Variants in NTRK3 observed in about 807,000 individuals in gnomAD.
NTRK3 encodes the protein NT-3 growth factor receptor.
In NTRK3, 24 loss-of-function variants were observed where a neutral mutation model predicts 91.7. The ratio of observed to expected loss-of-function variants is 0.26; its 90% CI spans 0.19 to 0.37. The LOEUF is 0.37. Ranked by LOEUF, NTRK3 falls within the 10% of genes least tolerant of loss-of-function variation. The probability of loss-of-function intolerance (pLI) is 1.00; values close to 1 mark genes in which losing one functional copy is unlikely to be tolerated. For synonymous variants in NTRK3, 483 were observed against 404.0 expected (o/e 1.20, Z -2.34); for missense variants, 880 against 1,068.9 (o/e 0.82, Z 2.46).
At chr15:87,895,128 G>T (rs1340262283) in intron 17 of NTRK3, among the ~76,000 whole-genome samples, 1 of 152,150 alleles carries the variant, frequency 6.6e-6, no homozygotes, top group Non-Finnish European at 1.5e-5. Context: ...AACACACAGG[G>T]TTGGAAGTTA....
chr15:88,030,906 T>C (rs2078474463), intron 14 of NTRK3, among the ~76,000 whole-genome samples: 1 of 152,172 alleles, frequency 6.6e-6, no homozygotes, highest in South Asian at 2.1e-4. Flanking sequence ...CCAGACCACA[T>C]TTTTTTACAC....
intron 14 of NTRK3, among the ~76,000 whole-genome samples, chr15:87,994,816 A>C (rs1567201045): frequency 6.6e-6 from 1 of 152,224 alleles, no homozygotes; most frequent in Non-Finnish European, 1.5e-5. Context: ...CTCCATAAAA[A>C]TGGGACATCA....
intron 6 of NTRK3, among the ~76,000 whole-genome samples, chr15:88,141,268 T>C (rs1038034942): frequency 1.3e-5 from 2 of 152,142 alleles, no homozygotes; most frequent in Non-Finnish European, 2.9e-5. Context: ...ACGAACATAA[T>C]AGACATTATA....
chr15:88,003,711 T>A (rs893835789), intron 14 of NTRK3, among the ~76,000 whole-genome samples: 1 of 151,998 alleles, frequency 6.6e-6, no homozygotes, highest in Non-Finnish European at 1.5e-5. Flanking sequence ...TAAGCCAATA[T>A]AACATATGGA....
chr15:88,140,156 T>A lies in NTRK3; in HGVS notation c.465-2595A>T, dbSNP rs151285278. Reference sequence around the variant, plus strand: ...AGGCAGGGAAAACCATTGAGGCCTCTAGAACTGGAGAACAATGTGAACAAA... The same window carrying A: ...AGGCAGGGAAAACCATTGAGGCCTCAAGAACTGGAGAACAATGTGAACAAA... On this transcript the variant is annotated intron_variant, in intron 6 of 18. Coordinates refer to ENST00000394480, the Ensembl canonical transcript of NTRK3. Among the ~76,000 whole-genome samples the A allele has an allele frequency of 1.7e-3, 253 of 152,186 alleles. 3 individuals are homozygous for A. Among genetic ancestry groups the A allele is most frequent in the East Asian group, 0.012 (62 of 5,176 alleles).
chr15:87,903,434 C>T (rs2066571900), intron 17 of NTRK3, among the ~76,000 whole-genome samples: 1 of 152,192 alleles, frequency 6.6e-6, no homozygotes, highest in African/African-American at 2.4e-5. Flanking sequence ...CCCTGTAGCT[C>T]CTACAACCCC....
Position 88,243,836 on chromosome 15 carries a change from G to C in NTRK3, c.248+12070C>G, listed in dbSNP as rs1470078124. On this transcript the variant is annotated intron_variant, in intron 3 of 18. Coordinates refer to ENST00000394480, the Ensembl canonical transcript of NTRK3. The surrounding 1 kb of genome is among the most constrained non-coding windows in gnomAD (Gnocchi z 4.8). ...ATCAACTTAGTCAGTTGCCCATGTG[G>C]TTTCTCCAGTTGTGACTTCGTACTG... is the stretch of plus-strand genomic sequence containing the variant. 6.6e-6 allele frequency among the ~76,000 whole-genome samples: 1 copy of C among 152,150 alleles called. No individual in the cohort carries two copies. Among genetic ancestry groups the C allele is most frequent in the Non-Finnish European group, 1.5e-5 (1 of 68,036 alleles).
Position 87,987,705 on chromosome 15 carries a change from C to T in NTRK3, c.1585+45152G>A, listed in dbSNP as rs144504486. On this transcript the variant is annotated intron_variant, in intron 14 of 18. Coordinates refer to ENST00000394480, the Ensembl canonical transcript of NTRK3. The stretch of plus-strand genomic sequence containing the variant: ...AGATTTTTTTTTAAATTAATGTATT[C>T]AAATGTATTCACCTTTCCCTTTATG... 7.2e-5 allele frequency among the ~76,000 whole-genome samples: 11 copies of T among 151,798 alleles called. No homozygotes were observed. The East Asian group carries it at 1.9e-3, about 27-fold the overall frequency.
intron 13 of NTRK3, among the ~76,000 whole-genome samples, chr15:88,107,623 T>C (rs528281673): frequency 4.6e-5 from 7 of 152,012 alleles, no homozygotes; most frequent in East Asian, 1.9e-4. Context: ...CCTGGCCCAA[T>C]TGTGGCCCAT....
chr15:88,104,665 GAGCCATC>G (rs1299669941), intron 13 of NTRK3, among the ~76,000 whole-genome samples: 2 of 152,162 alleles, frequency 1.3e-5, no homozygotes, highest in African/African-American at 4.8e-5. Context: ...TCTGCAGCCT[GAGCCATC>G]ACATCTTCAT....
intron 13 of NTRK3, among the ~76,000 whole-genome samples, chr15:88,111,251 G>C (rs192852370): frequency 6.6e-6 from 1 of 152,142 alleles, no homozygotes; most frequent in African/African-American, 2.4e-5. Flanking sequence ...GGCTAGTCAC[G>C]ACCTCAGGTG....
intron 14 of NTRK3, among the ~76,000 whole-genome samples, chr15:87,967,193 G>A (rs200258065): frequency 2.0e-5 from 3 of 152,060 alleles, no homozygotes; most frequent in Admixed American, 6.5e-5. Flanking sequence ...ACCCTATTCC[G>A]GTGGGTTTGT....
intron 14 of NTRK3, among the ~76,000 whole-genome samples, chr15:87,957,149 A>G (rs926624584): frequency 1.5e-4 from 22 of 150,036 alleles, no homozygotes; most frequent in African/African-American, 5.4e-4. Flanking sequence ...TCTGGTCCTC[A>G]GTTTCCTTAG....
intron 13 of NTRK3, among the ~76,000 whole-genome samples, chr15:88,036,093 T>A (rs7164934): frequency 0.015 from 2,248 of 152,088 alleles, 64 homozygotes; most frequent in African/African-American, 0.052. Flanking sequence ...AAGAGATGAA[T>A]GGAAAACTGA....
intron 14 of NTRK3, among the ~76,000 whole-genome samples, chr15:87,998,013 T>G (rs533830643): frequency 6.6e-6 from 1 of 152,228 alleles, no homozygotes; most frequent in Non-Finnish European, 1.5e-5. Flanking sequence ...ATGTAGGAAT[T>G]ATCTTTGAAT....
At chr15:88,186,492 G>C (rs934721910) in intron 3 of NTRK3, among the ~76,000 whole-genome samples, 3 of 152,182 alleles carry the variant, frequency 2.0e-5, no homozygotes, top group Non-Finnish European at 4.4e-5. Context: ...GAGTAGGTCT[G>C]AGTTTTCCTA....
At chr15:88,189,779 C>T (rs191767129) in intron 3 of NTRK3, among the ~76,000 whole-genome samples, 1 of 152,258 alleles carries the variant, frequency 6.6e-6, no homozygotes, top group East Asian at 1.9e-4. Context: ...TCTCTTCTTC[C>T]TTCTGTTTTG....
exon 19 of NTRK3, chr15:87,868,567 G>A (rs2064748167): frequency 4.5e-6 from 1 of 221,022 alleles, no homozygotes; most frequent in Non-Finnish European, 9.1e-6. Context: ...AGTTTCCAAA[G>A]ACGCCTGCAA....
intron 5 of NTRK3, among the ~76,000 whole-genome samples, chr15:88,173,429 G>C (rs1254936371): frequency 6.6e-6 from 1 of 152,188 alleles, no homozygotes; most frequent in African/African-American, 2.4e-5. Context: ...CCTGGAAATG[G>C]GGAAAATAGA....
Sources: gnomAD v4.1 joint callset for allele counts (sites outside exome capture counted in the v4.1 genomes callset) on GRCh38, gnomAD v4.1.1 for gene constraint, Gnocchi (gnomAD v3.1) non-coding constraint, MANE v1.5 for transcripts, NCBI Gene and HGNC (gene_info 2026-07-23, HGNC 2026-07-21) for gene names.